The following ARHGEF7 variants were observed in gnomAD, a reference collection of about 807,000 sequenced individuals.
The protein encoded by ARHGEF7 is Rho guanine nucleotide exchange factor 7.
In ARHGEF7, 33 loss-of-function variants were observed where a neutral mutation model predicts 109.8. That is an observed-to-expected ratio of 0.30 (90% CI 0.23 to 0.40). The LOEUF is 0.40. Ranked by LOEUF, ARHGEF7 falls within the 10% of genes least tolerant of loss-of-function variation. ARHGEF7 has a pLI of 1.00. For missense variants in ARHGEF7, 938 were observed against 1,098.5 expected (o/e 0.85, Z 2.07); for synonymous variants, 458 against 424.6 (o/e 1.08, Z -0.97).
chr13:111,269,150 C>G (rs1022498188), intron 9 of ARHGEF7, among the ~76,000 whole-genome samples: 1 of 152,166 alleles, frequency 6.6e-6, no homozygotes, highest in Non-Finnish European at 1.5e-5. Context: ...TGTGCTATGC[C>G]CCTACCCCTG....
At chr13:111,133,093 TAC>T (rs1371316491) in intron 1 of ARHGEF7, among the ~76,000 whole-genome samples, 3 of 151,890 alleles carry the variant, frequency 2.0e-5, no homozygotes, top group African/African-American at 7.3e-5. Flanking sequence ...CATGCATATA[TAC>T]ACATATACAT....
At chr13:111,277,970 C>T (rs2092582081) in intron 13 of ARHGEF7, among the ~76,000 whole-genome samples, 1 of 152,174 alleles carries the variant, frequency 6.6e-6, no homozygotes, top group Non-Finnish European at 1.5e-5. Flanking sequence ...ATGCAAAATA[C>T]CTTGCTCCTC....
At chr13:111,252,731 C>T (rs1299278085) in intron 8 of ARHGEF7, among the ~76,000 whole-genome samples, 1 of 152,030 alleles carries the variant, frequency 6.6e-6, no homozygotes, top group Non-Finnish European at 1.5e-5. Context: ...TTTAAAGGAC[C>T]CCATGAGGCA....
chr13:111,288,252 C>A, intron 17 of ARHGEF7, 102 bp from the exon 18 acceptor site: 1 of 561,322 alleles, frequency 1.8e-6, no homozygotes, highest in South Asian at 3.9e-5. Context: ...GATTATCTTA[C>A]TTGGTCACTT....
chr13:111,234,232 C>T (rs758705504), intron 6 of ARHGEF7, among the ~76,000 whole-genome samples: 2 of 152,090 alleles, frequency 1.3e-5, no homozygotes, highest in Admixed American at 1.3e-4. Context: ...ATTTTCTGCA[C>T]CTGTGTTGGG....
intron 6 of ARHGEF7, chr13:111,241,388 TG>T: frequency 6.5e-7 from 1 of 1,529,280 alleles, no homozygotes; most frequent in Non-Finnish European, 8.8e-7. Context: ...AGCAACCTCC[TG>T]GCAGAGGGAG....
At position 111,266,707 on chromosome 13, in the gene ARHGEF7, C is replaced by A; in HGVS notation, c.951-841C>A. On this transcript the variant is annotated intron_variant, in intron 8 of 21. Coordinates refer to ENST00000646102, the MANE Select transcript of ARHGEF7 (RefSeq NM_001354046.2). This position sits in a 1 kb window ranked among gnomAD's most constrained non-coding sequence, Gnocchi z 4.8. ...ATGTTTTTGGTCACTTTTTCTCTGG[C>A]TCCCATTCCCTAGGTAGGAGGATGT... 1 of 416,704 alleles carries A rather than the reference C, an allele frequency of 2.4e-6. No individual in the cohort carries two copies. Among genetic ancestry groups the A allele is most frequent in the Non-Finnish European group, 5.0e-6 (1 of 201,384 alleles). The allele number at this position is 416,704 out of a possible 1,614,324, so 25.8% of individuals were successfully genotyped here. A position where few individuals can be genotyped will look rare whatever the true frequency, so the allele number is the denominator to read the frequency against.
At chr13:111,242,935 A>G (rs1478091540) in intron 6 of ARHGEF7, among the ~76,000 whole-genome samples, 2 of 152,188 alleles carry the variant, frequency 1.3e-5, no homozygotes, top group Non-Finnish European at 2.9e-5. Context: ...AAGCATTCCT[A>G]CTTGGTTTCA....
At chr13:111,200,326 C>T (rs1031797911) in intron 2 of ARHGEF7, among the ~76,000 whole-genome samples, 6 of 152,116 alleles carry the variant, frequency 3.9e-5, no homozygotes, top group African/African-American at 1.4e-4. Context: ...CTTGCCTTAA[C>T]TCATTTTTTT....
At chr13:111,179,586 A>G (rs2078540449) in intron 2 of ARHGEF7, among the ~76,000 whole-genome samples, 1 of 152,176 alleles carries the variant, frequency 6.6e-6, no homozygotes, top group African/African-American at 2.4e-5. Flanking sequence ...TATGCAACCC[A>G]TATTCAGATA....
intron 2 of ARHGEF7, among the ~76,000 whole-genome samples, chr13:111,165,477 A>T (rs2077054425): frequency 6.6e-6 from 1 of 152,206 alleles, no homozygotes; most frequent in Non-Finnish European, 1.5e-5. Context: ...CTGTTTTGCC[A>T]CCGTGACAAT....
chr13:111,136,211 A>G (rs1384781883), intron 1 of ARHGEF7, among the ~76,000 whole-genome samples: 1 of 152,168 alleles, frequency 6.6e-6, no homozygotes, highest in Admixed American at 6.5e-5. Flanking sequence ...TATTTTATTG[A>G]GGATTTTTGC....
intron 17 of ARHGEF7, among the ~76,000 whole-genome samples, chr13:111,286,778 C>T (rs965600378): frequency 4.6e-5 from 7 of 152,148 alleles, no homozygotes; most frequent in Non-Finnish European, 8.8e-5. Context: ...GTTAGGTGCT[C>T]GGTAGATAGC....
intron 2 of ARHGEF7, among the ~76,000 whole-genome samples, chr13:111,201,332 A>G (rs1031580414): frequency 1.3e-5 from 2 of 152,222 alleles, no homozygotes; most frequent in Admixed American, 6.5e-5. Flanking sequence ...TAATTTTCCT[A>G]AACAGTGCCA....
At chr13:111,217,939 G>GTCAAGTACATT in intron 5 of ARHGEF7, 59 bp downstream of exon 5, 1 of 1,485,974 alleles carries the variant, frequency 6.7e-7, no homozygotes, top group Non-Finnish European at 9.1e-7. Context: ...AGAAGTAAAT[G>GTCAAGTACATT]TACTTGACAT....
chr13:111,281,208 T>A (rs1401096735), intron 15 of ARHGEF7: 1 of 132,078 alleles, frequency 7.6e-6, no homozygotes, highest in East Asian at 3.2e-4. Context: ...TTTTTTTTTT[T>A]TACAACTTTT....
In ARHGEF7 at chr13:111,281,181, C is replaced by CTTTTTTTTTTTTTTTTTTTT. The variant is rs11403258; in HGVS notation, c.1725+513_1725+532dup. 2.7e-4 allele frequency: 16 copies of CTTTTTTTTTTTTTTTTTTTT among 59,446 alleles called. 2 individuals are homozygous for CTTTTTTTTTTTTTTTTTTTT. Among genetic ancestry groups the CTTTTTTTTTTTTTTTTTTTT allele is most frequent in the Admixed American group, 4.6e-4 (2 of 4,316 alleles). The allele number at this position is 59,446 out of a possible 1,614,324, so 3.7% of individuals were successfully genotyped here. On this transcript the variant is annotated intron_variant, in intron 15 of 21. Coordinates refer to ENST00000646102, the MANE Select transcript of ARHGEF7 (RefSeq NM_001354046.2). The stretch of plus-strand genomic sequence containing the variant: ...CAACAAGTCTTTGGATATTTAGAGA[C>CTTTTTTTTTTTTTTTTTTTT]TTTTTTTTTTTTTTTTTTTTTTTTT...
chr13:111,171,484 A>G (rs1203685009), intron 2 of ARHGEF7, among the ~76,000 whole-genome samples: 6 of 152,366 alleles, frequency 3.9e-5, no homozygotes, highest in Admixed American at 2.0e-4. Context: ...TTACACTTTA[A>G]TATCGCTCCA....
rs908550873 is a variant in ARHGEF7, at chr13:111,183,196, A to G, written c.253-22093A>G. Among the ~76,000 whole-genome samples the G allele has an allele frequency of 3.9e-5, 6 of 152,188 alleles. No homozygotes were observed. In the South Asian group the frequency reaches 1.0e-3, roughly 26 times the overall value. ...CTAGCAGTCACATTGCACGCACGCT[A>G]TGTCATTGTACTCGTGCTAGCAAGT... On this transcript the variant is annotated intron_variant, in intron 2 of 21. Transcript: ENST00000646102.
Sources: gnomAD v4.1 joint callset for allele counts (sites outside exome capture counted in the v4.1 genomes callset) on GRCh38, gnomAD v4.1.1 for gene constraint, Gnocchi (gnomAD v3.1) non-coding constraint, MANE v1.5 for transcripts, NCBI Gene and HGNC (gene_info 2026-07-23, HGNC 2026-07-21) for gene names.